EPHA3: variants seen among roughly 807,000 people sequenced by gnomAD.
EPHA3 encodes the protein ephrin type-A receptor 3.
EPHA3 carries 42 observed loss-of-function variants against 107.1 expected under a neutral mutation model. That is an observed-to-expected ratio of 0.39 (90% CI 0.31 to 0.51). The LOEUF (loss-of-function observed/expected upper bound fraction) is 0.51. Ranked by LOEUF, EPHA3 falls within the 20% of genes least tolerant of loss-of-function variation. EPHA3 has a pLI of 0.78. For missense variants in EPHA3, 1,183 were observed against 1,211.2 expected (o/e 0.98, Z 0.35); for synonymous variants, 461 against 424.8 (o/e 1.09, Z -1.05).
At chr3:89,431,047 G>A in intron 12 of EPHA3, 103 bp from the exon 13 acceptor site, 1 of 1,202,226 alleles carries the variant, frequency 8.3e-7, no homozygotes, top group Non-Finnish European at 1.2e-6. Flanking sequence ...AGTGTGTATA[G>A]TCAGTCTTGT....
intron 3 of EPHA3, among the ~76,000 whole-genome samples, chr3:89,273,118 A>T (rs1260422850): frequency 6.6e-6 from 1 of 151,962 alleles, no homozygotes; most frequent in African/African-American, 2.4e-5. Context: ...TAACGTTTGT[A>T]TGCATTGTGA....
rs1238095710 is a variant in EPHA3 at position 89,329,964 on chromosome 3, A to G, written c.815-10952A>G. Among the ~76,000 whole-genome samples the G allele has an allele frequency of 2.0e-5, 3 of 151,894 alleles. No homozygotes were observed. In the East Asian group the frequency reaches 5.8e-4, roughly 29 times the overall value. On this transcript the variant is annotated intron_variant, in intron 3 of 16. Transcript: ENST00000336596. Reference sequence around the variant, plus strand: ...AATATTTTTTATTAAATAAGATAGAACTCATTTTATGTGAAAATCAAATAT... The same window carrying G: ...AATATTTTTTATTAAATAAGATAGAGCTCATTTTATGTGAAAATCAAATAT...
chr3:89,310,547 T>C (rs1706740605), intron 3 of EPHA3, among the ~76,000 whole-genome samples: 1 of 151,866 alleles, frequency 6.6e-6, no homozygotes, highest in African/African-American at 2.4e-5. Context: ...ATAGCCTGGG[T>C]CTTACATCCT....
intron 3 of EPHA3, among the ~76,000 whole-genome samples, chr3:89,260,984 C>T (rs1705402035): frequency 6.6e-6 from 1 of 152,182 alleles, no homozygotes; most frequent in Non-Finnish European, 1.5e-5. Context: ...CCATTATCTG[C>T]ACATTTCCTT....
chr3:89,242,921 C>T (rs1704939181), intron 3 of EPHA3, among the ~76,000 whole-genome samples: 2 of 109,616 alleles, frequency 1.8e-5, no homozygotes, highest in Non-Finnish European at 3.4e-5. Flanking sequence ...CACCCCACAA[C>T]AGGCCCCGGT....
At chr3:89,185,590 T>C (rs1705545559) in intron 2 of EPHA3, among the ~76,000 whole-genome samples, 1 of 152,086 alleles carries the variant, frequency 6.6e-6, no homozygotes. Context: ...GTATCTTCTC[T>C]AGGGCTTAAA....
In EPHA3 at chr3:89,480,098, T is replaced by C. The variant is rs1247797097; in HGVS notation, c.*596T>C. ...TAAATTGTTAGCTTCCTTAAGTATATCATGTAAAGAAATGTCTTAATTTTT... is the reference window on the plus strand; with the variant it reads ...TAAATTGTTAGCTTCCTTAAGTATACCATGTAAAGAAATGTCTTAATTTTT... On this transcript the variant is annotated 3_prime_UTR_variant, in exon 17 of 17. Coordinates refer to ENST00000336596, the MANE Select transcript of EPHA3 (RefSeq NM_005233.6). 1 of 232,802 alleles carries C rather than the reference T, an allele frequency of 4.3e-6. No homozygotes were observed. The highest frequency in any genetic ancestry group is 8.5e-6 in the Non-Finnish European group (1 of 117,578). The allele number at this position is 232,802 out of a possible 1,614,324, so 14.4% of individuals were successfully genotyped here.
chr3:89,241,128 T>TA (rs1261087673), intron 3 of EPHA3, among the ~76,000 whole-genome samples: 1 of 151,914 alleles, frequency 6.6e-6, no homozygotes, highest in South Asian at 2.1e-4. Flanking sequence ...ATATAAACAT[T>TA]AAAAAAACAC....
At chr3:89,316,261 G>A (rs1706896847) in intron 3 of EPHA3, among the ~76,000 whole-genome samples, 1 of 151,246 alleles carries the variant, frequency 6.6e-6, no homozygotes, top group African/African-American at 2.4e-5. Context: ...CAGTCTCTCT[G>A]GCACTATTTC....
intron 5 of EPHA3, among the ~76,000 whole-genome samples, chr3:89,352,127 G>T (rs1450317241): frequency 2.0e-5 from 3 of 151,144 alleles, no homozygotes; most frequent in Admixed American, 1.3e-4. Flanking sequence ...TAAAGGAAAA[G>T]ATCTTTGAGG....
intron 3 of EPHA3, among the ~76,000 whole-genome samples, chr3:89,303,689 A>G (rs1323702155): frequency 6.6e-6 from 1 of 152,174 alleles, no homozygotes; most frequent in Admixed American, 6.6e-5. Context: ...AGAAATAACC[A>G]TGTCATGCTG....
chr3:89,352,902 CAAAAAAA>C (rs1215369952), intron 5 of EPHA3, among the ~76,000 whole-genome samples: 18 of 41,030 alleles, frequency 4.4e-4, no homozygotes, highest in South Asian at 8.0e-4. Context: ...GACTCTGTCT[CAAAAAAA>C]AAAAAAAAAA....
At chr3:89,426,966 C>A (rs1255856627) in intron 11 of EPHA3, among the ~76,000 whole-genome samples, 1 of 151,788 alleles carries the variant, frequency 6.6e-6, no homozygotes, top group Non-Finnish European at 1.5e-5. Flanking sequence ...CAGGAGAGAT[C>A]TAAGTTTCCA....
intron 1 of EPHA3, among the ~76,000 whole-genome samples, chr3:89,114,083 G>T (rs1035945579): frequency 1.3e-5 from 2 of 152,226 alleles, no homozygotes; most frequent in African/African-American, 4.8e-5. Context: ...AATAATAGGT[G>T]AGGAAGGAGG....
intron 3 of EPHA3, among the ~76,000 whole-genome samples, chr3:89,214,395 C>T (rs1704176827): frequency 6.6e-6 from 1 of 151,920 alleles, no homozygotes; most frequent in Admixed American, 6.6e-5. Flanking sequence ...AATGTGTTAC[C>T]TTCCTTGTTT....
At chr3:89,295,705 C>T (rs1307269971) in intron 3 of EPHA3, among the ~76,000 whole-genome samples, 1 of 152,156 alleles carries the variant, frequency 6.6e-6, no homozygotes, top group Admixed American at 6.5e-5. Context: ...ATTCTCATGC[C>T]TCAGCCTGTC....
At chr3:89,166,819 GC>G (rs1231925564) in intron 2 of EPHA3, among the ~76,000 whole-genome samples, 1 of 152,156 alleles carries the variant, frequency 6.6e-6, no homozygotes, top group Non-Finnish European at 1.5e-5. Flanking sequence ...TTAAGGGGGT[GC>G]TTTTGAATGG....
rs1291872386 is a variant in EPHA3, at chr3:89,210,473, A to G, written c.767A>G (p.Lys256Arg). ...GGCGAATGGCTTGTACCCATTGGCA[A>G]GTGTTCCTGCAATGCTGGCTATGAA... ...TEGEWLVPIG[K>R]CSCNAGYEER... Residue 256 changes from lysine (K) to arginine (R), a missense_variant, in exon 3 of 17, where the codon AAG (lysine) becomes AGG (arginine). Coordinates refer to ENST00000336596, the MANE Select transcript of EPHA3 (RefSeq NM_005233.6). 6.3e-7 allele frequency: 1 copy of G among 1,587,196 alleles called. No homozygotes were observed. The highest frequency in any genetic ancestry group is 8.5e-7 in the Non-Finnish European group (1 of 1,169,996).
At chr3:89,263,076 C>T (rs1429951052) in intron 3 of EPHA3, among the ~76,000 whole-genome samples, 2 of 150,348 alleles carry the variant, frequency 1.3e-5, no homozygotes, top group Non-Finnish European at 3.0e-5. Flanking sequence ...TTTGCTGCAC[C>T]CATCAACCCG....
Sources: gnomAD v4.1 joint callset for allele counts (sites outside exome capture counted in the v4.1 genomes callset) on GRCh38, gnomAD v4.1.1 for gene constraint, MANE v1.5 for transcripts, NCBI Gene and HGNC (gene_info 2026-07-23, HGNC 2026-07-21) for gene names.